The following FOLH1 variants were observed in gnomAD, a reference collection of about 807,000 sequenced individuals.
The protein encoded by FOLH1 is folate hydrolase 1.
FOLH1 carries 54 observed loss-of-function variants against 93.9 expected under a neutral mutation model. The ratio of observed to expected loss-of-function variants is 0.57; its 90% confidence interval spans 0.46 to 0.72. The LOEUF (loss-of-function observed/expected upper bound fraction) is 0.72. Ranked by LOEUF, FOLH1 falls within the 30% of genes least tolerant of loss-of-function variation. The probability of loss-of-function intolerance (pLI) is 0.00; values close to 1 mark genes in which losing one functional copy is unlikely to be tolerated. For missense variants in FOLH1, 571 were observed against 892.5 expected, an observed-to-expected ratio of 0.64 and a Z score of 4.59; for synonymous variants, 249 against 303.6, an observed-to-expected ratio of 0.82 and a Z score of 1.87.
chr11:49,184,815 T>C (rs1486057623), intron 6 of FOLH1, among the ~76,000 whole-genome samples: 1 of 152,250 alleles, frequency 6.6e-6, no homozygotes, highest in Non-Finnish European at 1.5e-5. Flanking sequence ...CATCATTAAA[T>C]AGTTGAGCAC....
chr11:49,152,651 T>A lies in FOLH1; in HGVS notation c.1970+1195A>T, dbSNP rs184501296. ...GCTGGTTCTTTTGGACTGTTTAAAT[T>A]AATTTTCAAAAAATATTTTTATAAT... On this transcript the variant is annotated intron_variant, in intron 17 of 18. Coordinates refer to ENST00000256999, the MANE Select transcript of FOLH1 (RefSeq NM_004476.3). 2.4e-4 allele frequency among the ~76,000 whole-genome samples: 37 copies of A among 152,266 alleles called. No homozygotes were observed. The East Asian group carries it at 5.8e-3, about 24-fold the overall frequency.
intron 3 of FOLH1, among the ~76,000 whole-genome samples, chr11:49,197,852 A>G (rs1862786135): frequency 1.3e-5 from 2 of 152,180 alleles, no homozygotes; most frequent in Admixed American, 6.5e-5. Flanking sequence ...ATGTAAATAT[A>G]AAAAGAATTA....
At chr11:49,197,053 C>T (rs545086078) in intron 3 of FOLH1, among the ~76,000 whole-genome samples, 2 of 152,106 alleles carry the variant, frequency 1.3e-5, no homozygotes, top group South Asian at 2.1e-4. Context: ...TCCAAATTTC[C>T]CATATTTTTT....
intron 7 of FOLH1, among the ~76,000 whole-genome samples, chr11:49,181,875 A>C (rs1034824598): frequency 2.0e-5 from 3 of 152,112 alleles, no homozygotes; most frequent in Non-Finnish European, 4.4e-5. Flanking sequence ...CACCTCTAAA[A>C]ATGAGTGCCT....
At chr11:49,152,041 T>C (rs879873606) in intron 17 of FOLH1, among the ~76,000 whole-genome samples, 1 of 152,180 alleles carries the variant, frequency 6.6e-6, no homozygotes, top group African/African-American at 2.4e-5. Flanking sequence ...AATCAAATTA[T>C]ATTTACAATT....
rs1861431640 is a variant in FOLH1 at position 49,186,768 on chromosome 11, C to A, written c.515G>T (p.Gly172Val). ...TGCATAGTTAACATACACTAGATCG[C>A]CCTGTTGAGATCGGGAATGACTTAA... The part of the protein sequence containing the change: ...SAFSPQGMPE[G>V]DLVYVNYART... The change falls in exon 5 of 19, where the codon GGC becomes GTC. Residue 172 changes from glycine (G) to valine (V), a missense_variant and splice_region_variant. By Grantham distance (109) the Gly-to-Val change is moderately radical (BLOSUM62 -3). Around this residue, in one of 2 missense-constraint regions of FOLH1, gnomAD observed 500 missense variants for 822.9 expected, o/e 0.61. Coordinates refer to ENST00000256999, the MANE Select transcript of FOLH1 (RefSeq NM_004476.3). The A allele has an allele frequency of 1.3e-6, 2 of 1,599,454 alleles. No homozygotes were observed. The highest frequency in any genetic ancestry group is 1.7e-6 in the Non-Finnish European group (2 of 1,174,752).
In FOLH1 at chr11:49,153,828, C is replaced by A; in HGVS notation, c.1970+18G>T. The A allele has an allele frequency of 6.4e-7, 1 of 1,557,014 alleles. No homozygotes were observed. Among genetic ancestry groups the A allele is most frequent in the Non-Finnish European group, 8.8e-7 (1 of 1,142,712 alleles). ...ATACACACACATACACACATATGCA[C>A]ATATATGTAGAACATACTTGCTTTT... On this transcript the variant is annotated intron_variant, in intron 17 of 18. Coordinates refer to ENST00000256999, the MANE Select transcript of FOLH1 (RefSeq NM_004476.3).
At chr11:49,187,810 T>A (rs1861586677) in intron 4 of FOLH1, among the ~76,000 whole-genome samples, 2 of 152,222 alleles carry the variant, frequency 1.3e-5, no homozygotes, top group African/African-American at 4.8e-5. Flanking sequence ...GACAGCCCCC[T>A]TGCTCAAGGT....
chr11:49,202,331 C>T (rs1863341075), intron 2 of FOLH1, among the ~76,000 whole-genome samples: 1 of 152,030 alleles, frequency 6.6e-6, no homozygotes, highest in Admixed American at 6.6e-5. Flanking sequence ...TACAAATTTT[C>T]CCAAATAGCC....
intron 3 of FOLH1, among the ~76,000 whole-genome samples, chr11:49,193,655 A>G (rs1039872122): frequency 6.6e-6 from 1 of 152,112 alleles, no homozygotes. Context: ...TTTTAAGTTT[A>G]AAATTAAATT....
intron 1 of FOLH1, chr11:49,208,040 T>C: frequency 3.1e-6 from 2 of 645,018 alleles, no homozygotes; most frequent in South Asian, 3.5e-5. Flanking sequence ...ACGCCCAGTT[T>C]CAGGTTCTCT....
intron 3 of FOLH1, among the ~76,000 whole-genome samples, chr11:49,193,784 T>C (rs1862320346): frequency 6.6e-6 from 1 of 152,150 alleles, no homozygotes; most frequent in African/African-American, 2.4e-5. Context: ...TATGGCCCCA[T>C]GAAAAGGATT....
chr11:49,167,437 T>C lies in FOLH1; in HGVS notation c.1372+1758A>G, dbSNP rs146556918. Among the ~76,000 whole-genome samples the C allele has an allele frequency of 3.7e-4, 56 of 152,284 alleles. No individual in the cohort carries two copies. The East Asian group carries it at 0.01, about 28-fold the overall frequency. ...CGCCAAAGGTCAAGCTCTTAGCCACTACCCTAAGAGAAGGAGAAAAGAATA... is the reference window on the plus strand; with the variant it reads ...CGCCAAAGGTCAAGCTCTTAGCCACCACCCTAAGAGAAGGAGAAAAGAATA... On this transcript the variant is annotated intron_variant, in intron 12 of 18. Transcript: ENST00000256999.
rs188004191 is a variant in FOLH1 at position 49,147,369 on chromosome 11, T to C, written c.2064-424A>G. Among the ~76,000 whole-genome samples, 17 of 152,252 alleles carry C rather than the reference T, an allele frequency of 1.1e-4. No individual in the cohort carries two copies. In the East Asian group the frequency reaches 1.9e-3, roughly 17 times the overall value. On this transcript the variant is annotated intron_variant, in intron 18 of 18. Transcript: ENST00000256999. ...ACAAGTAACTGCTGATTTTTTAATA[T>C]ATCATGCTACCCCCTATATTATAGC...
chr11:49,163,510 C>T (rs1277849034), intron 13 of FOLH1, among the ~76,000 whole-genome samples: 2 of 149,624 alleles, frequency 1.3e-5, no homozygotes, highest in Admixed American at 6.7e-5. Flanking sequence ...TGCCCCCCAC[C>T]ACCACCCAAG....
intron 4 of FOLH1, among the ~76,000 whole-genome samples, chr11:49,189,764 T>C (rs367876056): frequency 6.6e-5 from 10 of 152,250 alleles, no homozygotes; most frequent in African/African-American, 1.9e-4. Flanking sequence ...ATAATGAGCA[T>C]TAAAGTTAAT....
chr11:49,187,951 C>T (rs1861600211), intron 4 of FOLH1, among the ~76,000 whole-genome samples: 1 of 152,202 alleles, frequency 6.6e-6, no homozygotes, highest in Non-Finnish European at 1.5e-5. Context: ...TTAGCCAAGG[C>T]TATCCTTCAG....
intron 10 of FOLH1, among the ~76,000 whole-genome samples, chr11:49,171,796 A>G (rs891778739): frequency 3.3e-5 from 5 of 151,934 alleles, no homozygotes; most frequent in South Asian, 2.1e-4. Context: ...TGAAAACCAC[A>G]TAATTCAGCA....
chr11:49,194,132 C>CAAAA (rs55656827), intron 3 of FOLH1, among the ~76,000 whole-genome samples: 10 of 71,512 alleles, frequency 1.4e-4, no homozygotes, highest in South Asian at 5.4e-4. Context: ...GCCTGGGTGA[C>CAAAA]AAAAAAAAAA....
Sources: gnomAD v4.1 joint callset for allele counts (sites outside exome capture counted in the v4.1 genomes callset) on GRCh38, gnomAD v4.1.1 for gene constraint, gnomAD v4.1.1 regional missense constraint, MANE v1.5 for transcripts, NCBI Gene and HGNC (gene_info 2026-07-23, HGNC 2026-07-21) for gene names.